Variants in TMC4 observed in about 807,000 individuals in gnomAD.
The protein encoded by TMC4 is transmembrane channel like 4, also known as voltage-gated chloride channel TMC4.
Under a neutral mutation model 82.0 loss-of-function variants are expected in TMC4, and 70 were observed. That is an observed-to-expected ratio of 0.85 (90% CI 0.70 to 1.04). TMC4 has a LOEUF of 1.04. TMC4 is among the 50% of genes least tolerant of loss of function. TMC4 has a pLI of 0.00. For synonymous variants in TMC4, 446 were observed against 406.0 expected, an observed-to-expected ratio of 1.10 and a Z score of -1.18; for missense variants, 879 against 899.0, an observed-to-expected ratio of 0.98 and a Z score of 0.28.
intron 8 of TMC4, 90 bp from the exon 9 acceptor site, chr19:54,163,249 A>G: frequency 6.7e-7 from 1 of 1,495,198 alleles, no homozygotes; most frequent in Non-Finnish European, 9.1e-7. Flanking sequence ...CATTCAACCC[A>G]TCTCACAGAT....
At chr19:54,163,308 CTTTTTTTT>C (rs35587690) in intron 8 of TMC4, 149 bp from the exon 9 acceptor site, 130 of 593,320 alleles carry the variant, frequency 2.2e-4, no homozygotes, top group East Asian at 3.3e-4. Context: ...TTCTTTCTTT[CTTTTTTTT>C]TTTTTTTTTT....
chr19:54,169,734 C>A, intron 2 of TMC4, 74 bp from the exon 3 acceptor site: 1 of 1,568,338 alleles, frequency 6.4e-7, no homozygotes. Flanking sequence ...TAGACACAAT[C>A]CAACAGTAGA....
In TMC4 at chr19:54,160,970, A is replaced by G; in HGVS notation, c.1881T>C (p.Pro627=). The G allele has an allele frequency of 6.2e-7, 1 of 1,614,202 alleles. No individual in the cohort carries two copies. The highest frequency in any genetic ancestry group is 2.2e-5 in the East Asian group (1 of 44,882). ...RGQSSIWAQI[P]ESISSLPETT... ...TCTCAGGGAGGCTGGAAATAGACTC[A>G]GGGATCTGGGCCCAGATGGACGACT... Residue 627 remains proline (P), a synonymous_variant, in exon 13 of 15, where the codon CCT becomes CCC. Coordinates refer to ENST00000619895, the MANE Select transcript of TMC4 (RefSeq NM_144686.4).
At chr19:54,170,333 CAAAAA>C (rs11365348) in intron 2 of TMC4, among the ~76,000 whole-genome samples, 1 of 117,530 alleles carries the variant, frequency 8.5e-6, no homozygotes, top group African/African-American at 3.0e-5. Flanking sequence ...AAGACTCTGT[CAAAAA>C]AAAAAAAAAA....
At chr19:54,167,689 A>C (rs1427502832) in intron 5 of TMC4, among the ~76,000 whole-genome samples, 2 of 148,544 alleles carry the variant, frequency 1.3e-5, no homozygotes, top group Non-Finnish European at 3.0e-5. Context: ...GCTCACTGCA[A>C]GCTCCACCTC....
Position 54,171,818 on chromosome 19 carries a change from G to C in TMC4, c.293+52C>G, listed in dbSNP as rs2075897200. The C allele has an allele frequency of 6.7e-6, 10 of 1,496,424 alleles. No individual in the cohort carries two copies. In the South Asian group the frequency reaches 7.8e-5, roughly 12 times the overall value. 92.7% of individuals were successfully genotyped at this position (1,496,424 alleles called of 1,614,324 possible). On this transcript the variant is annotated intron_variant, in intron 2 of 14. Coordinates refer to ENST00000619895, the MANE Select transcript of TMC4 (RefSeq NM_144686.4). ...GGAGGAGACCGAGTCCAGGGTATGG[G>C]AGAAGGGCCCGGTCCGGGCTGTGCG...
Position 54,168,792 on chromosome 19 carries a change from T to C in TMC4, c.443-112A>G, listed in dbSNP as rs28416879. ...CTTCCTTTCTTTCTTTCTTTTCTTT[T>C]CTTTCTTTTCTTTTCTTTTCTTTTC... On this transcript the variant is annotated intron_variant, in intron 3 of 14. Coordinates refer to ENST00000619895, the MANE Select transcript of TMC4 (RefSeq NM_144686.4). 5.9e-4 allele frequency: 62 copies of C among 104,482 alleles called. 2 individuals carry two copies. The Middle Eastern group carries it at 0.01, about 17-fold the overall frequency. The allele number at this position is 104,482 out of a possible 1,614,324, so 6.5% of individuals were successfully genotyped here.
Position 54,161,161 on chromosome 19 carries a change from A to G in TMC4, c.1786T>C (p.Ser596Pro). 1 of 1,590,936 alleles carries G rather than the reference A, an allele frequency of 6.3e-7. No homozygotes were observed. The highest frequency in any genetic ancestry group is 1.4e-5 in the African/African-American group (1 of 73,424). The change falls in exon 12 of 15, where the codon TCC becomes CCC. Residue 596 changes from serine to proline, a missense_variant. Transcript: ENST00000619895. ...PLVLLLGLAI[S>P]SVPLLYSIFL... ...ATGCTGTAAAGCAGGGGAACGCTGG[A>G]GATGGCCAGACCCAGGAGAAGGACC...
chr19:54,161,481 T>C (rs1373619080), intron 11 of TMC4, among the ~76,000 whole-genome samples: 2 of 151,266 alleles, frequency 1.3e-5, no homozygotes, highest in African/African-American at 4.9e-5. Flanking sequence ...CCCGAGTAGC[T>C]GGGATTACAG....
In TMC4 at chr19:54,168,126, C is replaced by T. The variant is rs2075748744; in HGVS notation, c.797+45G>A. The T allele has an allele frequency of 3.2e-6, 5 of 1,564,796 alleles. No homozygotes were observed. In the South Asian group the frequency reaches 3.5e-5, roughly 11 times the overall value. On this transcript the variant is annotated intron_variant, in intron 5 of 14. Coordinates refer to ENST00000619895, the MANE Select transcript of TMC4 (RefSeq NM_144686.4). ...TCTGCCACCACCACTTGCTTCCCCA[C>T]CCCAACCCGTCCCGTCAGGGGTCAG...
At position 54,165,497 on chromosome 19, in the gene TMC4, C is replaced by T. The variant is rs1246425635; in HGVS notation, c.867G>A (p.Val289=). 16 of 1,613,050 alleles carry T rather than the reference C, an allele frequency of 9.9e-6. No individual in the cohort carries two copies. In the South Asian group the frequency reaches 1.6e-4, roughly 17 times the overall value. The change falls in exon 6 of 15, where the codon GTG becomes GTA. Residue 289 remains valine (V), a synonymous_variant. Transcript: ENST00000619895. ...AGAGACCGAAGTCCCAGGCCGAGAA[C>T]ACCCGGTGGCTGTAGCTGGTCAGAG... ...SEALTSYSHR[V]FSAWDFGLCG...
At chr19:54,165,911 C>T (rs916018318) in intron 5 of TMC4, among the ~76,000 whole-genome samples, 3 of 151,870 alleles carry the variant, frequency 2.0e-5, no homozygotes, top group African/African-American at 7.3e-5. Flanking sequence ...GGACAGAGGC[C>T]CCAGAGGGAG....
rs1028960525 is a variant in TMC4, at chr19:54,173,158, A to G, written c.-41T>C. On this transcript the variant is annotated 5_prime_UTR_variant, in exon 1 of 15. Coordinates refer to ENST00000619895, the MANE Select transcript of TMC4 (RefSeq NM_144686.4). The stretch of plus-strand genomic sequence containing the variant: ...TGTCTCTAGTGGCCACCAGGCAGAC[A>G]CTGCCCCAGGTAAGGGAGGGGCCAG... The G allele has an allele frequency of 4.4e-6, 7 of 1,598,012 alleles. No homozygotes were observed. Among genetic ancestry groups the G allele is most frequent in the African/African-American group, 2.7e-5 (2 of 74,482 alleles).
Position 54,162,788 on chromosome 19 carries a change from A to G in TMC4, c.1405-18T>C, listed in dbSNP as rs2075599619. The G allele has an allele frequency of 2.5e-6, 4 of 1,610,936 alleles. No homozygotes were observed. The highest frequency in any genetic ancestry group is 3.4e-6 in the Non-Finnish European group (4 of 1,177,456). Reference sequence around the variant, plus strand: ...TCCCAGCACTGAAGAAGGAAGAAATATATCAGAAAGAACTCGGGACCCGGG... The same window carrying G: ...TCCCAGCACTGAAGAAGGAAGAAATGTATCAGAAAGAACTCGGGACCCGGG... On this transcript the variant is annotated intron_variant, in intron 9 of 14. Coordinates refer to ENST00000619895, the MANE Select transcript of TMC4 (RefSeq NM_144686.4).
In TMC4 at chr19:54,164,535, C is replaced by T; in HGVS notation, c.1012G>A (p.Val338Ile). ...AVRTLGQQAR[V>I]WLVRVLLNLL... is the part of the protein sequence containing the mutation. Reference sequence around the variant, plus strand: ...TTGAGCAGCACCCGCACCAACCAAACCCTGGCTTGCTGGCCCAGCGTCCGC... The same window carrying T: ...TTGAGCAGCACCCGCACCAACCAAATCCTGGCTTGCTGGCCCAGCGTCCGC... Residue 338 changes from valine (V) to isoleucine (I), a missense_variant, in exon 7 of 15, where the codon GTT becomes ATT. By Grantham distance (29) the Val-to-Ile change is conservative (BLOSUM62 3). Transcript: ENST00000619895. The T allele has an allele frequency of 6.2e-7, 1 of 1,613,926 alleles. No individual in the cohort carries two copies. Among genetic ancestry groups the T allele is most frequent in the Non-Finnish European group, 8.5e-7 (1 of 1,179,998 alleles).
At chr19:54,169,009 TA>T (rs1419412180) in intron 3 of TMC4, among the ~76,000 whole-genome samples, 1,059 of 6,430 alleles carry the variant, frequency 0.16, 343 homozygotes, top group Non-Finnish European at 0.27. Context: ...TATATATATA[TA>T]TTTTTTTTTT....
At chr19:54,169,400 C>T (rs2075827360) in intron 3 of TMC4, 112 bp downstream of exon 3, 2 of 1,412,310 alleles carry the variant, frequency 1.4e-6, no homozygotes, top group Non-Finnish European at 9.4e-7. Context: ...ACCCAAAAAT[C>T]CAGGCCCAAG....
At chr19:54,164,961 T>C (rs1011554928) in intron 6 of TMC4, among the ~76,000 whole-genome samples, 29 of 151,940 alleles carry the variant, frequency 1.9e-4, no homozygotes, top group Admixed American at 4.6e-4. Context: ...GGCCTGAAGT[T>C]CCAGTTCAGC....
chr19:54,164,622 C>T (rs749437792), intron 6 of TMC4, 21 bp from the exon 7 acceptor site: 1 of 1,610,894 alleles, frequency 6.2e-7, no homozygotes, highest in Admixed American at 1.7e-5. Context: ...GAGAGATGCC[C>T]GCTTGGACTC....
Sources: gnomAD v4.1 joint callset for allele counts (sites outside exome capture counted in the v4.1 genomes callset) on GRCh38, gnomAD v4.1.1 for gene constraint, MANE v1.5 for transcripts, NCBI Gene and HGNC (gene_info 2026-07-23, HGNC 2026-07-21) for gene names.